Variants in EVI5 observed in about 807,000 individuals in gnomAD.
The protein encoded by EVI5 is ecotropic viral integration site 5, also known as ecotropic viral integration site 5 protein homolog.
Under a neutral mutation model 112.0 loss-of-function variants are expected in EVI5, and 73 were observed. The ratio of observed to expected loss-of-function variants is 0.65; its 90% CI spans 0.54 to 0.79. EVI5 has a LOEUF of 0.79. EVI5 is among the 30% of genes least tolerant of loss of function. The pLI, the probability that EVI5 is intolerant of heterozygous loss-of-function variation, is 0.00. For missense variants in EVI5, 900 were observed against 968.8 expected (o/e 0.93, Z 0.94); for synonymous variants, 305 against 319.9 (o/e 0.95, Z 0.50).
intron 18 of EVI5, among the ~76,000 whole-genome samples, chr1:92,568,218 T>TA (rs940341338): frequency 4.6e-5 from 7 of 150,564 alleles, no homozygotes; most frequent in African/African-American, 1.2e-4. Context: ...ACAAAAACAT[T>TA]AAAAAAAATT....
At chr1:92,647,895 C>A (rs1572095833) in intron 13 of EVI5, among the ~76,000 whole-genome samples, 1 of 151,660 alleles carries the variant, frequency 6.6e-6, no homozygotes, top group Non-Finnish European at 1.5e-5. Flanking sequence ...CCACCATGCA[C>A]CACCATGCCC....
At chr1:92,561,570 TC>T (rs1182291954) in intron 19 of EVI5, among the ~76,000 whole-genome samples, 4 of 149,586 alleles carry the variant, frequency 2.7e-5, no homozygotes, top group Non-Finnish European at 6.0e-5. Context: ...TATCTATCTA[TC>T]TATCTATCTA....
At chr1:92,668,935 G>C (rs1665385467) in intron 10 of EVI5, among the ~76,000 whole-genome samples, 1 of 152,138 alleles carries the variant, frequency 6.6e-6, no homozygotes, top group Non-Finnish European at 1.5e-5. Flanking sequence ...TACTAAAGTA[G>C]CTAAGAGACT....
intron 14 of EVI5, among the ~76,000 whole-genome samples, chr1:92,635,067 G>A (rs562172256): frequency 2.6e-5 from 4 of 152,320 alleles, no homozygotes; most frequent in African/African-American, 7.2e-5. Flanking sequence ...GTACCCGGCC[G>A]TGTGAGGTGT....
chr1:92,671,100 C>A (rs1253734908), intron 10 of EVI5, among the ~76,000 whole-genome samples: 2 of 152,066 alleles, frequency 1.3e-5, no homozygotes, highest in South Asian at 2.1e-4. Context: ...TGTCCCATTT[C>A]TTTTATCCTT....
chr1:92,625,850 T>C lies in EVI5; in HGVS notation c.1612A>G (p.Ile538Val). ...TGTCTAAGTTCTTTCAAACCCATAA[T>C]GGCTTCTGCTTCTCTAAGTTTCACA... Reference protein sequence around the residue: ...IAVKLREAEAIMGLKELRQQV... With the variant: ...IAVKLREAEAVMGLKELRQQV... Residue 538 changes from isoleucine (I) to valine (V), a missense_variant, in exon 15 of 20, where the codon ATT becomes GTT. Ile to Val is a conservative substitution (Grantham distance 29). Transcript: ENST00000684568. The C allele has an allele frequency of 1.2e-6, 2 of 1,612,798 alleles. No individual in the cohort carries two copies. Among genetic ancestry groups the C allele is most frequent in the South Asian group, 1.1e-5 (1 of 91,022 alleles).
In EVI5 at chr1:92,543,530, G is replaced by A. The variant is rs1280971030; in HGVS notation, c.2166+20112C>T. On this transcript the variant is annotated intron_variant, in intron 19 of 19. Transcript: ENST00000684568. ...TTTCTTATCATTTGTGTTTTCAGTG[G>A]AGTAGTAACTTTAATTTCCTTCAAG... Among the ~76,000 whole-genome samples the A allele has an allele frequency of 1.3e-5, 2 of 152,168 alleles. 1 individual carries two copies. The highest frequency in any genetic ancestry group is 2.9e-5 in the Non-Finnish European group (2 of 68,036).
chr1:92,524,291 G>T (rs375683423), intron 19 of EVI5, among the ~76,000 whole-genome samples: 2 of 152,098 alleles, frequency 1.3e-5, no homozygotes, highest in East Asian at 3.9e-4. Context: ...CTGGATTTGG[G>T]AATTGACTAT....
At chr1:92,648,035 A>G (rs1301454191) in intron 13 of EVI5, among the ~76,000 whole-genome samples, 5 of 141,568 alleles carry the variant, frequency 3.5e-5, no homozygotes, top group Non-Finnish European at 7.8e-5. Flanking sequence ...ATGAGCCACC[A>G]TGCCTGGCCT....
rs371832211 is a variant in EVI5 at position 92,556,655 on chromosome 1, T to G, written c.2166+6987A>C. ...GTTCCTTATTTCAAAAATTCCAGTTTAGTAACAAAATGAGTACATGTATTA... is the reference window on the plus strand; with the variant it reads ...GTTCCTTATTTCAAAAATTCCAGTTGAGTAACAAAATGAGTACATGTATTA... On this transcript the variant is annotated intron_variant, in intron 19 of 19. Transcript: ENST00000684568. 3.9e-5 allele frequency among the ~76,000 whole-genome samples: 6 copies of G among 152,274 alleles called. No homozygotes were observed. In the East Asian group the frequency reaches 9.6e-4, roughly 24 times the overall value.
chr1:92,661,878 T>A (rs1409265473), intron 13 of EVI5, among the ~76,000 whole-genome samples: 1 of 150,602 alleles, frequency 6.6e-6, no homozygotes, highest in Non-Finnish European at 1.5e-5. Flanking sequence ...TAACACAACT[T>A]CTTCTGCTTA....
chr1:92,531,989 C>G (rs1373432655), intron 19 of EVI5, among the ~76,000 whole-genome samples: 1 of 152,138 alleles, frequency 6.6e-6, no homozygotes, highest in Non-Finnish European at 1.5e-5. Context: ...AAGACACAGA[C>G]TGGCGAACTG....
chr1:92,710,086 C>CAAA (rs71091297), intron 2 of EVI5, among the ~76,000 whole-genome samples: 1 of 82,786 alleles, frequency 1.2e-5, no homozygotes, highest in African/African-American at 4.9e-5. Flanking sequence ...TATTGCAAAG[C>CAAA]AAAAAAAAAA....
intron 9 of EVI5, among the ~76,000 whole-genome samples, chr1:92,679,002 T>C (rs1226244626): frequency 2.6e-5 from 4 of 152,164 alleles, no homozygotes; most frequent in Non-Finnish European, 4.4e-5. Context: ...AGTGGACCAA[T>C]ACCAGTCTGT....
intron 18 of EVI5, among the ~76,000 whole-genome samples, chr1:92,599,463 A>C (rs1388118582): frequency 6.6e-6 from 1 of 152,024 alleles, no homozygotes; most frequent in Non-Finnish European, 1.5e-5. Context: ...TAACTGAAAA[A>C]AGTTTCAGGT....
At chr1:92,550,219 C>G in intron 19 of EVI5, among the ~76,000 whole-genome samples, 1 of 151,730 alleles carries the variant, frequency 6.6e-6, no homozygotes, top group Non-Finnish European at 1.5e-5. Context: ...AAGCTGGAAA[C>G]CATCATTCTG....
At chr1:92,559,257 G>A (rs994764264) in intron 19 of EVI5, among the ~76,000 whole-genome samples, 7 of 152,066 alleles carry the variant, frequency 4.6e-5, no homozygotes, top group African/African-American at 7.2e-5. Context: ...TTTGATCCAC[G>A]ATTGGTTGAA....
At chr1:92,610,567 TGCCAAAACATAAGCAA>T (rs1219967317) in intron 16 of EVI5, among the ~76,000 whole-genome samples, 1 of 151,826 alleles carries the variant, frequency 6.6e-6, no homozygotes, top group Non-Finnish European at 1.5e-5. Flanking sequence ...AAAAGGAAAA[TGCCAAAACATAAGCAA>T]AGAACAAGTC....
intron 1 of EVI5, among the ~76,000 whole-genome samples, chr1:92,783,822 A>AAAAG (rs1685236404): frequency 7.9e-6 from 1 of 126,822 alleles, no homozygotes; most frequent in Non-Finnish European, 1.9e-5. Context: ...AAAAAAAAAA[A>AAAAG]AAAAGAAAAG....
Sources: allele counts gnomAD v4.1 joint callset (sites outside exome capture counted in the v4.1 genomes callset), GRCh38; gene constraint gnomAD v4.1.1; transcripts MANE v1.5; gene names NCBI Gene and HGNC (gene_info 2026-07-23, HGNC 2026-07-21).